PRKG1: variants seen among roughly 807,000 people sequenced by gnomAD.
The protein encoded by PRKG1 is cGMP-dependent protein kinase 1.
PRKG1 carries 35 observed loss-of-function variants against 88.1 expected under a neutral mutation model. The observed-to-expected ratio is 0.40, with a 90% confidence interval of 0.30 to 0.53. PRKG1 has a LOEUF of 0.53. Ranked by LOEUF, PRKG1 falls within the 20% of genes least tolerant of loss-of-function variation. The pLI is 0.59. For synonymous variants in PRKG1, 303 were observed against 292.5 expected, an observed-to-expected ratio of 1.04 and a Z score of -0.37; for missense variants, 540 against 839.8, an observed-to-expected ratio of 0.64 and a Z score of 4.41.
At chr10:52,209,266 T>C (rs1324510377) in intron 9 of PRKG1, among the ~76,000 whole-genome samples, 1 of 152,156 alleles carries the variant, frequency 6.6e-6, no homozygotes, top group South Asian at 2.1e-4. Context: ...ATGGAAATGG[T>C]TGTGTTTCAA....
intron 1 of PRKG1, among the ~76,000 whole-genome samples, chr10:51,078,117 C>T (rs1844009437): frequency 6.6e-6 from 1 of 152,114 alleles, no homozygotes; most frequent in African/African-American, 2.4e-5. Flanking sequence ...TCAGTCATTT[C>T]AGTTGGATTA....
At chr10:51,173,216 G>C (rs1837091228) in intron 2 of PRKG1, among the ~76,000 whole-genome samples, 1 of 151,792 alleles carries the variant, frequency 6.6e-6, no homozygotes, top group South Asian at 2.1e-4. Context: ...GGCTTATTTT[G>C]AATATTATCT....
chr10:51,523,644 G>T (rs1275210832), intron 3 of PRKG1, among the ~76,000 whole-genome samples: 1 of 152,058 alleles, frequency 6.6e-6, no homozygotes, highest in Non-Finnish European at 1.5e-5. Context: ...GCCCCTAGAG[G>T]CTCTGTCTCT....
At chr10:51,754,163 T>C (rs2132514560) in intron 3 of PRKG1, among the ~76,000 whole-genome samples, 1 of 152,274 alleles carries the variant, frequency 6.6e-6, no homozygotes, top group Middle Eastern at 3.4e-3. Flanking sequence ...TGATAATGAT[T>C]GTTAGAGTCC....
At chr10:51,848,123 A>G (rs970693134) in intron 4 of PRKG1, among the ~76,000 whole-genome samples, 1 of 152,166 alleles carries the variant, frequency 6.6e-6, no homozygotes, top group Non-Finnish European at 1.5e-5. Flanking sequence ...AATACAGCCC[A>G]GCAAACAGTG....
chr10:51,890,201 T>G (rs867718080), intron 4 of PRKG1, among the ~76,000 whole-genome samples: 6 of 152,344 alleles, frequency 3.9e-5, no homozygotes, highest in East Asian at 3.9e-4. Flanking sequence ...GGTCTAACGT[T>G]TAAGTCTTTA....
At chr10:52,069,835 T>C (rs1011920856) in intron 7 of PRKG1, among the ~76,000 whole-genome samples, 7 of 152,150 alleles carry the variant, frequency 4.6e-5, no homozygotes, top group Non-Finnish European at 1.5e-5. Flanking sequence ...TGAAATATTA[T>C]TCTGTTTCAT....
At chr10:51,169,595 A>G (rs1485035520) in intron 2 of PRKG1, among the ~76,000 whole-genome samples, 1 of 152,152 alleles carries the variant, frequency 6.6e-6, no homozygotes, top group Non-Finnish European at 1.5e-5. Context: ...CACATACGAC[A>G]TTATATTGTT....
chr10:51,614,014 T>C (rs909859995), intron 3 of PRKG1, among the ~76,000 whole-genome samples: 2 of 152,012 alleles, frequency 1.3e-5, no homozygotes, highest in Non-Finnish European at 2.9e-5. Context: ...CCCTTTCGTC[T>C]AAAGTCCAGT....
At chr10:51,413,717 A>G (rs1250648610) in intron 2 of PRKG1, among the ~76,000 whole-genome samples, 1 of 152,338 alleles carries the variant, frequency 6.6e-6, no homozygotes, top group East Asian at 1.9e-4. Flanking sequence ...TGTTCACATT[A>G]TTAAGAGATT....
At chr10:51,341,261 A>G (rs1207107510) in intron 2 of PRKG1, among the ~76,000 whole-genome samples, 1 of 152,190 alleles carries the variant, frequency 6.6e-6, no homozygotes, top group African/African-American at 2.4e-5. Flanking sequence ...ATTTATCTAC[A>G]TAGAATTGTG....
chr10:51,264,428 T>G (rs1464608470), intron 2 of PRKG1, among the ~76,000 whole-genome samples: 2 of 152,222 alleles, frequency 1.3e-5, no homozygotes, highest in Non-Finnish European at 2.9e-5. Context: ...TTTCAAAGTA[T>G]GTCAAAGAGA....
chr10:52,157,322 T>TAC (rs1838145785), intron 8 of PRKG1, among the ~76,000 whole-genome samples: 1 of 77,564 alleles, frequency 1.3e-5, no homozygotes, highest in South Asian at 2.9e-4. Context: ...TATATATATA[T>TAC]ATATATATAT....
chr10:51,034,458 T>C (rs2132749943), intron 1 of PRKG1, among the ~76,000 whole-genome samples: 1 of 151,960 alleles, frequency 6.6e-6, no homozygotes, highest in African/African-American at 2.4e-5. Context: ...CTATTTTTCA[T>C]AAAAACCTTA....
At chr10:51,743,753 T>TATATTTATATAAATATATATAA (rs1837507100) in intron 3 of PRKG1, among the ~76,000 whole-genome samples, 1 of 126,438 alleles carries the variant, frequency 7.9e-6, no homozygotes, top group Non-Finnish European at 1.7e-5. Context: ...TATATATATA[T>TATATTTATATAAATATATATAA]ATATATATAT....
chr10:52,226,117 C>T (rs561895869), intron 9 of PRKG1, among the ~76,000 whole-genome samples: 2 of 150,508 alleles, frequency 1.3e-5, no homozygotes, highest in East Asian at 3.9e-4. Flanking sequence ...TTTTTATTGG[C>T]AATTTGCTAA....
At chr10:52,231,055 C>G (rs1355399927) in intron 9 of PRKG1, 1 of 152,154 alleles carries the variant, frequency 6.6e-6, no homozygotes, top group Non-Finnish European at 1.5e-5. Context: ...CTTCATGGAG[C>G]ACCCCATTTT....
At chr10:51,947,609 C>T (rs538675626) in intron 5 of PRKG1, among the ~76,000 whole-genome samples, 35 of 152,274 alleles carry the variant, frequency 2.3e-4, no homozygotes, top group African/African-American at 6.0e-4. Flanking sequence ...CATCTTGGCT[C>T]CCCTCCTGCT....
chr10:52,043,917 GAA>G, intron 5 of PRKG1, among the ~76,000 whole-genome samples: 1 of 133,944 alleles, frequency 7.5e-6, no homozygotes, highest in African/African-American at 2.8e-5. Context: ...GTTAAACATA[GAA>G]AAAAAAAAAA....
Sources: allele counts gnomAD v4.1 joint callset (sites outside exome capture counted in the v4.1 genomes callset), GRCh38; gene constraint gnomAD v4.1.1; transcripts MANE v1.5; gene names NCBI Gene and HGNC (gene_info 2026-07-23, HGNC 2026-07-21).